The following CNKSR2 variants were observed in gnomAD, a reference collection of about 807,000 sequenced individuals.
The protein encoded by CNKSR2 is CNK homolog protein 2.
CNKSR2 carries 14 observed loss-of-function variants against 84.4 expected under a neutral mutation model. The observed-to-expected ratio is 0.17, with a 90% CI of 0.11 to 0.26. CNKSR2 has a LOEUF of 0.26. Among genes scored for constraint, CNKSR2 ranks in the 10% least tolerant of loss-of-function variants. The pLI is 1.00. For synonymous variants in CNKSR2, 275 were observed against 277.9 expected (o/e 0.99, Z 0.10); for missense variants, 485 against 771.2 (o/e 0.63, Z 4.40).
chrX:21,522,069 C>T (rs1049451025), intron 9 of CNKSR2, among the ~76,000 whole-genome samples: 1 of 111,030 alleles, frequency 9.0e-6, no homozygotes, highest in Non-Finnish European at 1.9e-5. Context: ...ATTCTTGCTG[C>T]TTAAAATTCA....
intron 20 of CNKSR2, among the ~76,000 whole-genome samples, chrX:21,636,736 A>G (rs1266804916): frequency 9.0e-6 from 1 of 111,028 alleles, no homozygotes; most frequent in Non-Finnish European, 1.9e-5. Context: ...GTATACAACT[A>G]TATCATAATC....
chrX:21,506,720 T>C (rs1411561625), intron 8 of CNKSR2: 1 of 111,812 alleles, frequency 8.9e-6, no homozygotes, highest in Non-Finnish European at 1.9e-5. Flanking sequence ...TTCTTATTTG[T>C]GCAGTTCTTA....
At chrX:21,410,059 T>C (rs1458880031) in intron 1 of CNKSR2, among the ~76,000 whole-genome samples, 2 of 109,875 alleles carry the variant, frequency 1.8e-5, no homozygotes, top group Non-Finnish European at 3.8e-5. Flanking sequence ...TGTGTGTGTG[T>C]GTGTGTATAA....
chrX:21,438,990 G>A (rs180978587), intron 3 of CNKSR2, among the ~76,000 whole-genome samples: 54 of 111,598 alleles, frequency 4.8e-4, no homozygotes, highest in Non-Finnish European at 9.1e-4. Context: ...CAAATCCACA[G>A]TTGTAGACTT....
intron 4 of CNKSR2, among the ~76,000 whole-genome samples, chrX:21,457,237 G>A (rs1346836383): frequency 1.8e-5 from 2 of 111,417 alleles, no homozygotes; most frequent in African/African-American, 6.5e-5. Flanking sequence ...AGTCCTGCTT[G>A]TTTATTTTTG....
intron 1 of CNKSR2, chrX:21,425,260 C>A: frequency 1.8e-5 from 2 of 111,912 alleles, no homozygotes; most frequent in Admixed American, 1.9e-4. Context: ...GTGACTTTCA[C>A]ATTGCTATAT....
At chrX:21,376,563 T>C (rs751366680) in intron 1 of CNKSR2, among the ~76,000 whole-genome samples, 5 of 111,957 alleles carry the variant, frequency 4.5e-5, no homozygotes, top group Non-Finnish European at 7.5e-5. Flanking sequence ...GTATTTGCTA[T>C]TGAAATTCCA....
chrX:21,454,066 A>C (rs1247815526), intron 4 of CNKSR2, among the ~76,000 whole-genome samples: 1 of 111,883 alleles, frequency 8.9e-6, no homozygotes, highest in Non-Finnish European at 1.9e-5. Context: ...TTTGCCCAGT[A>C]CAATTCTTCC....
chrX:21,490,722 G>A, intron 6 of CNKSR2, 144 bp downstream of exon 6: 4 of 492,474 alleles, frequency 8.1e-6, no homozygotes, highest in Non-Finnish European at 1.2e-5. Flanking sequence ...AGTTATGGTA[G>A]TGGAAGTTTG....
At chrX:21,453,317 T>G (rs774746561) in intron 4 of CNKSR2, among the ~76,000 whole-genome samples, 1 of 111,838 alleles carries the variant, frequency 8.9e-6, no homozygotes, top group African/African-American at 3.2e-5. Flanking sequence ...GCAGAAACAA[T>G]ATATTTTACT....
rs763060702 is a variant in CNKSR2 at position 21,626,480 on chromosome X, GGGA to G, written c.2692+16865_2692+16867del. ...CTGGCCAATATAGATGTATTAATGT[GGGA>G]GAATACAGGTGATAGGGATACCAAT... is the stretch of plus-strand genomic sequence containing the variant. On this transcript the variant is annotated intron_variant, in intron 20 of 21. Coordinates refer to ENST00000379510, the MANE Select transcript of CNKSR2 (RefSeq NM_014927.5). Among the ~76,000 whole-genome samples, 5 of 111,366 alleles carry G rather than the reference GGGA, an allele frequency of 4.5e-5. No individual in the cohort carries two copies. The South Asian group carries it at 1.9e-3, about 43-fold the overall frequency.
intron 20 of CNKSR2, among the ~76,000 whole-genome samples, chrX:21,622,178 A>G (rs186803472): frequency 9.0e-6 from 1 of 111,348 alleles, no homozygotes; most frequent in Admixed American, 9.5e-5. Context: ...CATTGAAGGC[A>G]TTATAGTTCT....
At chrX:21,600,898 A>G (rs1205664113) in intron 17 of CNKSR2, among the ~76,000 whole-genome samples, 1 of 112,476 alleles carries the variant, frequency 8.9e-6, no homozygotes, top group African/African-American at 3.2e-5. Context: ...CCTCATCAGA[A>G]TAAATTGAAC....
intron 1 of CNKSR2, among the ~76,000 whole-genome samples, chrX:21,399,962 G>A (rs984748537): frequency 6.3e-5 from 7 of 111,067 alleles, no homozygotes; most frequent in African/African-American, 2.3e-4. Context: ...CGTAGTCTAT[G>A]TAAAAGATGT....
intron 2 of CNKSR2, chrX:21,427,974 A>G (rs1021019418): frequency 1.8e-5 from 2 of 112,376 alleles, no homozygotes; most frequent in African/African-American, 6.5e-5. Context: ...GTGTAAAGAC[A>G]GAATTGTGAA....
At chrX:21,565,725 C>A (rs946054330) in intron 13 of CNKSR2, among the ~76,000 whole-genome samples, 11 of 111,042 alleles carry the variant, frequency 9.9e-5, no homozygotes, top group Non-Finnish European at 7.6e-5. Flanking sequence ...TAATCGCTAA[C>A]CCCCAAGTGC....
In CNKSR2 at chrX:21,499,173, A is replaced by C. The variant is rs187500406; in HGVS notation, c.741+1327A>C. 2.3e-3 allele frequency among the ~76,000 whole-genome samples: 255 copies of C among 111,880 alleles called. 1 individual carries two copies. Among genetic ancestry groups the C allele is most frequent in the African/African-American group, 7.8e-3 (241 of 30,896 alleles). ...AAATGCAGTTAAGATGCTACAAACT[A>C]TATGCTTGTCATCAATTGTTCATTC... On this transcript the variant is annotated intron_variant, in intron 7 of 21. Transcript: ENST00000379510.
At chrX:21,410,032 CTGTGTG>C (rs60351010) in intron 1 of CNKSR2, among the ~76,000 whole-genome samples, 82 of 97,668 alleles carry the variant, frequency 8.4e-4, no homozygotes, top group African/African-American at 2.7e-3. Context: ...CTAATTGTGT[CTGTGTG>C]TGTGTGTGTG....
At chrX:21,589,377 A>G (rs2092406936) in intron 13 of CNKSR2, among the ~76,000 whole-genome samples, 1 of 112,308 alleles carries the variant, frequency 8.9e-6, no homozygotes, top group Admixed American at 9.5e-5. Context: ...ACATGAATTT[A>G]TTGTGAAAAA....
Sources: gnomAD v4.1 joint callset for allele counts (sites outside exome capture counted in the v4.1 genomes callset) on GRCh38, gnomAD v4.1.1 for gene constraint, MANE v1.5 for transcripts, NCBI Gene and HGNC (gene_info 2026-07-23, HGNC 2026-07-21) for gene names.